RARS2: variants seen among roughly 807,000 people sequenced by gnomAD.
RARS2 encodes arginyl-tRNA synthetase 2, mitochondrial.
In RARS2, 67 loss-of-function variants were observed where a neutral mutation model predicts 88.5. The ratio of observed to expected loss-of-function variants is 0.76; its 90% CI spans 0.62 to 0.93. The LOEUF (loss-of-function observed/expected upper bound fraction) is 0.93, where lower values mean the gene tolerates loss of function less well. RARS2 is among the 40% of genes least tolerant of loss of function. RARS2 has a pLI of 0.00. For synonymous variants in RARS2, 239 were observed against 230.3 expected, an observed-to-expected ratio of 1.04 and a Z score of -0.34; for missense variants, 664 against 684.2, an observed-to-expected ratio of 0.97 and a Z score of 0.33.
chr6:87,528,973 A>G (rs529837396), intron 10 of RARS2, among the ~76,000 whole-genome samples: 1 of 152,342 alleles, frequency 6.6e-6, no homozygotes, highest in Admixed American at 6.5e-5. Flanking sequence ...TGTACACCAT[A>G]AATATATACA....
chr6:87,538,216 T>C (rs903745746), intron 8 of RARS2, among the ~76,000 whole-genome samples: 10 of 152,280 alleles, frequency 6.6e-5, no homozygotes, highest in Non-Finnish European at 8.8e-5. Context: ...AATACTCTAA[T>C]GGTCTTGTCG....
At chr6:87,586,653 T>C (rs1001083006) in intron 1 of RARS2, among the ~76,000 whole-genome samples, 5 of 152,244 alleles carry the variant, frequency 3.3e-5, no homozygotes, top group African/African-American at 9.6e-5. Flanking sequence ...CTTAGAAAAC[T>C]GTCGACTAAT....
At chr6:87,561,475 C>A (rs1787843888) in intron 4 of RARS2, among the ~76,000 whole-genome samples, 1 of 152,170 alleles carries the variant, frequency 6.6e-6, no homozygotes, top group Admixed American at 6.5e-5. Flanking sequence ...ATATTCACGG[C>A]AACTTGAATC....
rs79496471 is a variant in RARS2, at chr6:87,581,103, C to A, written c.36+8819G>T. ...ATTCTTACCGCTAGTACTCAGATAACTGAGCACAAAGTCAAAAAATATTCT... is the reference window on the plus strand; with the variant it reads ...ATTCTTACCGCTAGTACTCAGATAAATGAGCACAAAGTCAAAAAATATTCT... On this transcript the variant is annotated intron_variant, in intron 1 of 19. Coordinates refer to ENST00000369536, the MANE Select transcript of RARS2 (RefSeq NM_020320.5). 3.9e-4 allele frequency among the ~76,000 whole-genome samples: 59 copies of A among 152,262 alleles called. No homozygotes were observed. The East Asian group carries it at 0.011, about 29-fold the overall frequency.
intron 11 of RARS2, among the ~76,000 whole-genome samples, chr6:87,524,086 T>C (rs1774890082): frequency 6.6e-6 from 1 of 152,216 alleles, no homozygotes; most frequent in Non-Finnish European, 1.5e-5. Context: ...TGTGACCTAA[T>C]ATAAAATTCT....
In RARS2 at chr6:87,564,596, G is replaced by A. The variant is rs1255187748; in HGVS notation, c.111-364C>T. The A allele has an allele frequency of 1.6e-5, 6 of 378,476 alleles. No homozygotes were observed. In the East Asian group the frequency reaches 4.6e-4, roughly 29 times the overall value. 23.4% of individuals were successfully genotyped at this position (378,476 alleles called of 1,614,324 possible). On this transcript the variant is annotated intron_variant, in intron 2 of 19. Transcript: ENST00000369536. ...AGGCAGGGGAATCGCTTGAATCCTG[G>A]AGGTGGAGACTGCAGCGAGTCAAGA...
rs76684286 is a variant in RARS2, at chr6:87,533,831, T to C, written c.613-2889A>G. On this transcript the variant is annotated intron_variant, in intron 8 of 19. Coordinates refer to ENST00000369536, the MANE Select transcript of RARS2 (RefSeq NM_020320.5). Reference sequence around the variant, plus strand: ...TAAAAGTAGTATGATAAGCCTTTCTTATCCCTTTAAATTTGATCCTAGAAT... The same window carrying C: ...TAAAAGTAGTATGATAAGCCTTTCTCATCCCTTTAAATTTGATCCTAGAAT... 9.3e-3 allele frequency among the ~76,000 whole-genome samples: 1,411 copies of C among 152,318 alleles called. 23 individuals carry two copies. Among genetic ancestry groups the C allele is most frequent in the African/African-American group, 0.031 (1,306 of 41,562 alleles).
chr6:87,524,515 C>G (rs1174161094), intron 11 of RARS2, 42 bp downstream of exon 11: 1 of 1,440,490 alleles, frequency 6.9e-7, no homozygotes, highest in South Asian at 1.1e-5. Flanking sequence ...CTGAAAGCAA[C>G]AGATTTAGAA....
At chr6:87,578,958 C>CA (rs72383675) in intron 1 of RARS2, among the ~76,000 whole-genome samples, 14,255 of 41,776 alleles carry the variant, frequency 0.34, 5,374 homozygotes, top group South Asian at 0.39. Flanking sequence ...GAGACTGTCT[C>CA]AAAAAAAAAA....
At chr6:87,551,268 T>C (rs1205995965) in intron 5 of RARS2, among the ~76,000 whole-genome samples, 1 of 152,162 alleles carries the variant, frequency 6.6e-6, no homozygotes, top group Non-Finnish European at 1.5e-5. Context: ...TTTGGGCATC[T>C]TACTGGGACT....
At chr6:87,521,582 CTT>C in intron 11 of RARS2, 58 bp from the exon 12 acceptor site, 1 of 1,354,232 alleles carries the variant, frequency 7.4e-7, no homozygotes, top group East Asian at 2.3e-5. Context: ...AATAATTGGT[CTT>C]ACCTATTTAA....
intron 1 of RARS2, among the ~76,000 whole-genome samples, chr6:87,585,174 C>T (rs1348129629): frequency 3.3e-5 from 5 of 152,132 alleles, no homozygotes; most frequent in Non-Finnish European, 7.4e-5. Context: ...AGTGAAGCTG[C>T]ATATTTTATA....
intron 4 of RARS2, among the ~76,000 whole-genome samples, chr6:87,557,078 C>A (rs550558690): frequency 1.3e-5 from 2 of 152,104 alleles, no homozygotes; most frequent in Non-Finnish European, 2.9e-5. Context: ...ACATAACAAT[C>A]GACATTTAAG....
intron 4 of RARS2, among the ~76,000 whole-genome samples, chr6:87,556,305 T>C (rs1309527767): frequency 6.6e-6 from 1 of 152,174 alleles, no homozygotes; most frequent in Non-Finnish European, 1.5e-5. Flanking sequence ...ATCTATATTT[T>C]ACTTTTATTT....
In RARS2 at chr6:87,554,723, G is replaced by A. The variant is rs189524348; in HGVS notation, c.395+685C>T. ...CCCACCTTGCCTTCCAAAGTGCTAGGATTACAGGCTGAGCCACCATGTCTG... is the reference window on the plus strand; with the variant it reads ...CCCACCTTGCCTTCCAAAGTGCTAGAATTACAGGCTGAGCCACCATGTCTG... On this transcript the variant is annotated intron_variant, in intron 5 of 19. Transcript: ENST00000369536. Among the ~76,000 whole-genome samples, 51 of 152,158 alleles carry A rather than the reference G, an allele frequency of 3.4e-4. No individual in the cohort carries two copies. In the East Asian group the frequency reaches 7.9e-3, roughly 24 times the overall value.
At chr6:87,586,285 T>C (rs1775132466) in intron 1 of RARS2, among the ~76,000 whole-genome samples, 1 of 152,182 alleles carries the variant, frequency 6.6e-6, no homozygotes, top group Non-Finnish European at 1.5e-5. Flanking sequence ...CAGGACTTGC[T>C]GAAGAAAGGA....
At chr6:87,583,481 T>C (rs1774207796) in intron 1 of RARS2, among the ~76,000 whole-genome samples, 1 of 151,324 alleles carries the variant, frequency 6.6e-6, no homozygotes, top group Admixed American at 6.6e-5. Context: ...CCCAGCTACC[T>C]GGGAGGCTGA....
chr6:87,518,538 G>A, intron 16 of RARS2, 92 bp downstream of exon 16: 1 of 1,395,628 alleles, frequency 7.2e-7, no homozygotes, highest in Non-Finnish European at 1.0e-6. Context: ...TATTGGAAAA[G>A]CCCAGAAAAC....
chr6:87,540,927 C>T (rs1449815637), intron 8 of RARS2, among the ~76,000 whole-genome samples: 1 of 151,866 alleles, frequency 6.6e-6, no homozygotes, highest in Non-Finnish European at 1.5e-5. Flanking sequence ...AATAGACATG[C>T]TGTCCCCCAC....
Sources: allele counts gnomAD v4.1 joint callset (sites outside exome capture counted in the v4.1 genomes callset), GRCh38; gene constraint gnomAD v4.1.1; transcripts MANE v1.5; gene names NCBI Gene and HGNC (gene_info 2026-07-23, HGNC 2026-07-21).